Variants in NREP observed in about 807,000 individuals in gnomAD.
The protein encoded by NREP is neuronal regeneration-related protein.
A neutral mutation model predicts 8.6 loss-of-function variants in NREP; 5 were observed. The observed-to-expected ratio is 0.58, with a 90% CI of 0.30 to 1.22. NREP has a LOEUF of 1.22. Among genes scored for constraint, NREP ranks in the 50% most tolerant of loss-of-function variants. NREP has a pLI of 0.07. For synonymous variants in NREP, 27 were observed against 28.0 expected (o/e 0.96, Z 0.11); for missense variants, 86 against 82.5 (o/e 1.04, Z -0.17).
chr5:111,969,462 A>C (rs1756740184), intron 2 of NREP: 6 of 152,226 alleles, frequency 3.9e-5, no homozygotes. Context: ...GGTTGTATTA[A>C]TAGACATACA....
chr5:111,916,220 TAGAG>T (rs1171361692), intron 2 of NREP, among the ~76,000 whole-genome samples: 1 of 151,834 alleles, frequency 6.6e-6, no homozygotes, highest in Non-Finnish European at 1.5e-5. Flanking sequence ...ATGTTGATGA[TAGAG>T]AGAGAGTCAT....
intron 2 of NREP, among the ~76,000 whole-genome samples, chr5:111,865,429 G>A (rs1306313614): frequency 6.6e-6 from 1 of 152,120 alleles, no homozygotes; most frequent in Non-Finnish European, 1.5e-5. Context: ...AACTGCTAAA[G>A]CCACCAGGGA....
chr5:111,809,023 G>C (rs1752208140), intron 2 of NREP, among the ~76,000 whole-genome samples: 1 of 152,094 alleles, frequency 6.6e-6, no homozygotes, highest in African/African-American at 2.4e-5. Flanking sequence ...ACATCTTCCA[G>C]GTTGGCCTTT....
chr5:111,783,269 G>T (rs1036214004), intron 2 of NREP, among the ~76,000 whole-genome samples: 1 of 152,178 alleles, frequency 6.6e-6, no homozygotes, highest in Non-Finnish European at 1.5e-5. Context: ...GGTAATTTGT[G>T]TTGTGTATAA....
intron 2 of NREP, among the ~76,000 whole-genome samples, chr5:111,969,196 T>C (rs1756732392): frequency 6.6e-6 from 1 of 152,222 alleles, no homozygotes; most frequent in South Asian, 2.1e-4. Context: ...ATGACACGGT[T>C]AAAAATATTG....
At chr5:111,882,031 C>T (rs938070813) in intron 2 of NREP, among the ~76,000 whole-genome samples, 54 of 152,168 alleles carry the variant, frequency 3.5e-4, no homozygotes, top group African/African-American at 1.1e-3. Context: ...CAAACTACTC[C>T]GAGCTACAGG....
intron 2 of NREP, among the ~76,000 whole-genome samples, chr5:111,789,146 T>C (rs894234571): frequency 2.0e-5 from 3 of 152,230 alleles, no homozygotes; most frequent in Non-Finnish European, 4.4e-5. Context: ...TATGTGTGTG[T>C]TCATGTATAT....
At chr5:111,811,395 C>T (rs763899553) in intron 2 of NREP, among the ~76,000 whole-genome samples, 12 of 152,308 alleles carry the variant, frequency 7.9e-5, no homozygotes, top group East Asian at 1.9e-4. Context: ...CTCGTATTCC[C>T]GTAGGAAAGA....
chr5:111,747,321 T>C (rs1750071628), intron 2 of NREP, among the ~76,000 whole-genome samples: 1 of 152,186 alleles, frequency 6.6e-6, no homozygotes, highest in Non-Finnish European at 1.5e-5. Flanking sequence ...CTTTATCCAA[T>C]GAAAGCGTCC....
At chr5:111,950,379 C>T (rs1007434107) in intron 2 of NREP, among the ~76,000 whole-genome samples, 4 of 152,058 alleles carry the variant, frequency 2.6e-5, no homozygotes, top group Non-Finnish European at 5.9e-5. Flanking sequence ...TTCCTTAAAC[C>T]TTATACAAAA....
intron 2 of NREP, among the ~76,000 whole-genome samples, chr5:111,915,192 AGGG>A (rs1561343216): frequency 1.3e-5 from 2 of 152,072 alleles, no homozygotes; most frequent in African/African-American, 4.8e-5. Flanking sequence ...GCATTCCCCC[AGGG>A]TGGTTTTAAA....
intron 2 of NREP, among the ~76,000 whole-genome samples, chr5:111,786,531 A>C (rs1307038167): frequency 1.3e-5 from 2 of 152,090 alleles, no homozygotes; most frequent in Non-Finnish European, 2.9e-5. Flanking sequence ...ATATACTATT[A>C]TTTTTCTTTT....
chr5:111,808,616 C>A (rs1263480118), intron 2 of NREP, among the ~76,000 whole-genome samples: 1 of 152,134 alleles, frequency 6.6e-6, no homozygotes, highest in African/African-American at 2.4e-5. Context: ...TTACCCTTTT[C>A]CCCTCAATCT....
chr5:111,838,927 T>A (rs917108157), intron 2 of NREP, among the ~76,000 whole-genome samples: 5 of 152,080 alleles, frequency 3.3e-5, no homozygotes, highest in African/African-American at 1.2e-4. Context: ...TGGATTTAAT[T>A]AGACAATTAA....
At chr5:111,959,140 A>G (rs1171994248) in intron 2 of NREP, among the ~76,000 whole-genome samples, 2 of 152,040 alleles carry the variant, frequency 1.3e-5, no homozygotes, top group Non-Finnish European at 2.9e-5. Flanking sequence ...TTTCTTAAGC[A>G]AGTTGCCAAA....
chr5:111,975,457 G>T, intron 1 of NREP: 1 of 940,348 alleles, frequency 1.1e-6, no homozygotes, highest in Non-Finnish European at 1.7e-6. Flanking sequence ...GCAATTCAGA[G>T]AGGAGGAGAA....
At chr5:111,892,480 T>C (rs1347200580) in intron 2 of NREP, among the ~76,000 whole-genome samples, 1 of 152,202 alleles carries the variant, frequency 6.6e-6, no homozygotes, top group African/African-American at 2.4e-5. Context: ...AGATGCACTT[T>C]CCATTATATG....
chr5:111,972,281 T>C (rs951250816), intron 2 of NREP, among the ~76,000 whole-genome samples: 4 of 152,184 alleles, frequency 2.6e-5, no homozygotes, highest in Non-Finnish European at 5.9e-5. Flanking sequence ...CTGCATACTG[T>C]TGATGTTGAA....
At chr5:111,908,322 G>C (rs962745645) in intron 2 of NREP, among the ~76,000 whole-genome samples, 1 of 151,934 alleles carries the variant, frequency 6.6e-6, no homozygotes, top group African/African-American at 2.4e-5. Context: ...TATATGTGTA[G>C]GTTTGTTACA....
Sources: allele counts gnomAD v4.1 joint callset (sites outside exome capture counted in the v4.1 genomes callset), GRCh38; gene constraint gnomAD v4.1.1; transcripts MANE v1.5; gene names NCBI Gene and HGNC (gene_info 2026-07-23, HGNC 2026-07-21).